The following NUP155 variants were observed in gnomAD, a reference collection of about 807,000 sequenced individuals.
NUP155 encodes the protein nuclear pore complex protein Nup155.
In NUP155, 71 loss-of-function variants were observed where a neutral mutation model predicts 180.4. The ratio of observed to expected loss-of-function variants is 0.39; its 90% CI spans 0.33 to 0.48. NUP155 has a LOEUF of 0.48. Ranked by LOEUF, NUP155 falls within the 20% of genes least tolerant of loss-of-function variation. The pLI is 0.91. For synonymous variants in NUP155, 582 were observed against 559.5 expected (o/e 1.04, Z -0.57); for missense variants, 1,553 against 1,648.9 (o/e 0.94, Z 1.01).
intron 20 of NUP155, among the ~76,000 whole-genome samples, chr5:37,319,061 C>T (rs368115938): frequency 6.6e-6 from 1 of 152,092 alleles, no homozygotes; most frequent in Non-Finnish European, 1.5e-5. Flanking sequence ...CAAACATGAG[C>T]CCCCAAAACA....
At chr5:37,309,572 C>A in intron 23 of NUP155, 1 of 273,880 alleles carries the variant, frequency 3.7e-6, no homozygotes, top group Non-Finnish European at 7.0e-6. Flanking sequence ...ATTTTTTCCA[C>A]CTGTAGGAAA....
Position 37,298,853 on chromosome 5 carries a change from A to C in NUP155, c.3793+15T>G. Reference sequence around the variant, plus strand: ...GAACAGAAAATACGTGACTGCACCTAAGATCACAGCTTACCTAAAGGAAAG... The same window carrying C: ...GAACAGAAAATACGTGACTGCACCTCAGATCACAGCTTACCTAAAGGAAAG... On this transcript the variant is annotated intron_variant, in intron 32 of 34. Coordinates refer to ENST00000231498, the MANE Select transcript of NUP155 (RefSeq NM_153485.3). The C allele has an allele frequency of 7.1e-7, 1 of 1,412,116 alleles. No individual in the cohort carries two copies. Among genetic ancestry groups the C allele is most frequent in the Non-Finnish European group, 1.0e-6 (1 of 996,288 alleles). 87.5% of individuals were successfully genotyped at this position (1,412,116 alleles called of 1,614,324 possible).
At chr5:37,317,627 GAGAT>G (rs1367520496) in intron 21 of NUP155, among the ~76,000 whole-genome samples, 1 of 151,278 alleles carries the variant, frequency 6.6e-6, no homozygotes, top group Non-Finnish European at 1.5e-5. Context: ...TATGCTAAAA[GAGAT>G]AGGGAAATAT....
At chr5:37,321,998 G>A (rs57582513) in intron 20 of NUP155, among the ~76,000 whole-genome samples, 1 of 152,166 alleles carries the variant, frequency 6.6e-6, no homozygotes, top group South Asian at 2.1e-4. Flanking sequence ...TGGGATTACA[G>A]GCATGTGCCA....
intron 21 of NUP155, among the ~76,000 whole-genome samples, chr5:37,315,709 G>A (rs555615354): frequency 2.0e-5 from 3 of 152,172 alleles, no homozygotes; most frequent in Admixed American, 1.3e-4. Context: ...TTGGGAGGCC[G>A]AAGTGGGTGG....
chr5:37,355,266 G>C (rs1011410942), intron 4 of NUP155, among the ~76,000 whole-genome samples: 2 of 152,224 alleles, frequency 1.3e-5, no homozygotes, highest in South Asian at 4.1e-4. Context: ...CCAGGACTTT[G>C]AGAGGCCAAG....
At chr5:37,323,860 T>C in intron 20 of NUP155, 132 bp downstream of exon 20, 1 of 670,306 alleles carries the variant, frequency 1.5e-6, no homozygotes, top group Admixed American at 2.4e-5. Context: ...GATGGTTGCA[T>C]AACCTTGTAG....
At chr5:37,346,525 A>G (rs1384008115) in intron 9 of NUP155, among the ~76,000 whole-genome samples, 5 of 151,968 alleles carry the variant, frequency 3.3e-5, no homozygotes, top group African/African-American at 9.7e-5. Context: ...TACAAAAATT[A>G]GCCAGGCGTG....
In NUP155 at chr5:37,317,970, T is replaced by G; in HGVS notation, c.2305+18A>C. The G allele has an allele frequency of 1.3e-5, 19 of 1,415,738 alleles. No homozygotes were observed. The highest frequency in any genetic ancestry group is 1.5e-5 in the Non-Finnish European group (15 of 998,678). The allele number at this position is 1,415,738 out of a possible 1,614,324, so 87.7% of individuals were successfully genotyped here. A position where few individuals can be genotyped will look rare whatever the true frequency, so the allele number is the denominator to read the frequency against. On this transcript the variant is annotated intron_variant, in intron 21 of 34. Transcript: ENST00000231498. ...ACTGAGGTCATGTACGCTTAACTGATGAGAAGCAATAATTTACCATGAAAC... is the reference window on the plus strand; with the variant it reads ...ACTGAGGTCATGTACGCTTAACTGAGGAGAAGCAATAATTTACCATGAAAC...
At chr5:37,294,971 G>A (rs938016363) in intron 32 of NUP155, among the ~76,000 whole-genome samples, 2 of 152,008 alleles carry the variant, frequency 1.3e-5, no homozygotes, top group African/African-American at 4.8e-5. Context: ...GACGATTCAC[G>A]ATCCCAATAT....
At chr5:37,353,348 T>C (rs1746594661) in intron 4 of NUP155, among the ~76,000 whole-genome samples, 1 of 152,032 alleles carries the variant, frequency 6.6e-6, no homozygotes, top group Non-Finnish European at 1.5e-5. Context: ...CATGGGAGGC[T>C]GAGGCAGGCA....
At chr5:37,329,395 T>C in intron 15 of NUP155, 117 bp from the exon 16 acceptor site, 1 of 759,606 alleles carries the variant, frequency 1.3e-6, no homozygotes, top group Non-Finnish European at 2.4e-6. Context: ...ATTAGAGACT[T>C]CAATGTATTG....
chr5:37,301,517 G>C lies in NUP155; in HGVS notation c.3481C>G (p.Leu1161Val). The C allele has an allele frequency of 2.5e-6, 4 of 1,613,406 alleles. No homozygotes were observed. Among genetic ancestry groups the C allele is most frequent in the Non-Finnish European group, 3.4e-6 (4 of 1,179,418 alleles). Residue 1161 changes from leucine (L) to valine (V), a missense_variant, in exon 30 of 35, where the codon CTA (leucine) becomes GTA (valine). By Grantham distance (32) the Leu-to-Val change is conservative (BLOSUM62 1). Transcript: ENST00000231498. The stretch of plus-strand genomic sequence containing the variant: ...GAATGATGGGAATACTGCCTTTGTA[G>C]TGTCTCCTGTATCTGAAGTTGGATC... ...ARIQLQIQET[L>V]QRQYSHHSSV...
Position 37,337,858 on chromosome 5 carries a change from TG to T in NUP155, c.1306del (p.His436MetfsTer10). 1 of 1,612,766 alleles carries T rather than the reference TG, an allele frequency of 6.2e-7. No individual in the cohort carries two copies. Among genetic ancestry groups the T allele is most frequent in the Non-Finnish European group, 8.5e-7 (1 of 1,179,184 alleles). ...TGGCTTTTGGAAAGGAAAAGTATCA[TG>T]GTTGACACACCATAAAATATCATTA... ...EDNDILWCVN[H>X]DTFPFQKPMM... On this transcript the variant is annotated frameshift_variant, in exon 12 of 35. Transcript: ENST00000231498. LOFTEE classifies it high-confidence loss of function.
intron 4 of NUP155, among the ~76,000 whole-genome samples, chr5:37,357,000 G>T (rs1211650588): frequency 3.3e-5 from 5 of 152,160 alleles, no homozygotes; most frequent in African/African-American, 1.2e-4. Context: ...CCAGCTACTT[G>T]GAAGGCTGAG....
intron 24 of NUP155, 137 bp downstream of exon 24, chr5:37,308,992 T>C: frequency 1.3e-6 from 1 of 777,352 alleles, no homozygotes; most frequent in Non-Finnish European, 2.2e-6. Flanking sequence ...CATTCCTACG[T>C]CCTTTCACTC....
chr5:37,303,697 G>A (rs1039775761), intron 27 of NUP155, among the ~76,000 whole-genome samples: 1 of 152,114 alleles, frequency 6.6e-6, no homozygotes, highest in African/African-American at 2.4e-5. Context: ...TGTAATCCTC[G>A]CACTTTGGGA....
chr5:37,294,024 A>AAAT (rs1742382183), intron 33 of NUP155, among the ~76,000 whole-genome samples: 1 of 76,192 alleles, frequency 1.3e-5, no homozygotes, highest in Non-Finnish European at 2.1e-5. Context: ...AAAAAAAAAA[A>AAAT]AAAATAAAGC....
intron 20 of NUP155, among the ~76,000 whole-genome samples, chr5:37,323,416 A>T (rs1217897566): frequency 6.6e-6 from 1 of 152,222 alleles, no homozygotes; most frequent in Non-Finnish European, 1.5e-5. Flanking sequence ...ACATGCTACA[A>T]CAATCAAACC....
Sources: allele counts gnomAD v4.1 joint callset (sites outside exome capture counted in the v4.1 genomes callset), GRCh38; gene constraint gnomAD v4.1.1; transcripts MANE v1.5; gene names NCBI Gene and HGNC (gene_info 2026-07-23, HGNC 2026-07-21).